Variants in XPNPEP2 observed in about 807,000 individuals in gnomAD.
XPNPEP2 encodes the protein X-prolyl aminopeptidase 2.
A neutral mutation model predicts 59.8 loss-of-function variants in XPNPEP2; 64 were observed. The observed-to-expected ratio is 1.07, with a 90% CI of 0.87 to 1.32. The LOEUF (loss-of-function observed/expected upper bound fraction) is 1.32. Among genes scored for constraint, XPNPEP2 ranks in the 40% most tolerant of loss-of-function variants. The pLI is 0.00. For missense variants in XPNPEP2, 575 were observed against 546.8 expected (o/e 1.05, Z -0.51); for synonymous variants, 235 against 210.0 (o/e 1.12, Z -1.03).
At chrX:129,739,445 G>C (rs956800915) in intron 1 of XPNPEP2, among the ~76,000 whole-genome samples, 183 bp downstream of exon 1, 8 of 111,555 alleles carry the variant, frequency 7.2e-5, no homozygotes, top group Non-Finnish European at 1.3e-4. Flanking sequence ...GTCTGGTTTG[G>C]CACCTTTCCA....
Position 129,761,175 on chromosome X carries a change from G to A in XPNPEP2, c.1502G>A (p.Arg501Gln), listed in dbSNP as rs763557610. Reference sequence around the variant, plus strand: ...GTCAATCTCTCTTCCCTTCCAGGGCGAATGGTGGAGGCCTTTGCCCGCAGA... The same window carrying A: ...GTCAATCTCTCTTCCCTTCCAGGGCAAATGGTGGAGGCCTTTGCCCGCAGA... ...RLIFPAATSG[R>Q]MVEAFARRAL... The change falls in exon 17 of 21, where the codon CGA becomes CAA. Residue 501 changes from arginine to glutamine, a missense_variant. Physicochemically the swap from Arg to Gln is conservative, Grantham distance 43. Transcript: ENST00000371106. 9 of 1,209,535 alleles carry A rather than the reference G, an allele frequency of 7.4e-6. No individual in the cohort carries two copies. In the African/African-American group the frequency reaches 1.0e-4, roughly 14 times the overall value.
chrX:129,742,234 C>T lies in XPNPEP2; in HGVS notation c.123+53C>T, dbSNP rs1266815870. On this transcript the variant is annotated intron_variant, in intron 2 of 20. Coordinates refer to ENST00000371106, the MANE Select transcript of XPNPEP2 (RefSeq NM_003399.6). ...GCCCCCCTGGCCCCACGCACCCCCC[C>T]ACCCCTGCCCCACGCACCCCTGCAC... 6 of 704,533 alleles carry T rather than the reference C, an allele frequency of 8.5e-6. No individual in the cohort carries two copies. In the South Asian group the frequency reaches 1.0e-4, roughly 12 times the overall value. 58.1% of individuals were successfully genotyped at this position (704,533 alleles called of 1,213,427 possible).
rs200704668 is a variant in XPNPEP2 at position 129,739,197 on chromosome X, C to A, written c.-17C>A. 2.5e-6 allele frequency: 3 copies of A among 1,205,551 alleles called. No individual in the cohort carries two copies. The highest frequency in any genetic ancestry group is 5.9e-5 in the East Asian group (2 of 33,718). ...CCTTGTCCCTCCATCCACCCAGCGC[C>A]GGCATCTGGAGACCCTATGGCCCGG... is the stretch of plus-strand genomic sequence containing the variant. On this transcript the variant is annotated 5_prime_UTR_variant, in exon 1 of 21. Coordinates refer to ENST00000371106, the MANE Select transcript of XPNPEP2 (RefSeq NM_003399.6).
intron 19 of XPNPEP2, among the ~76,000 whole-genome samples, chrX:129,763,671 T>TA (rs991856351): frequency 6.5e-5 from 7 of 107,842 alleles, no homozygotes; most frequent in African/African-American, 1.4e-4. Context: ...AAACCCAATC[T>TA]AAAAAAAAAG....
At position 129,761,892 on chromosome X, in the gene XPNPEP2, G is replaced by A; in HGVS notation, c.1604-114G>A. On this transcript the variant is annotated intron_variant, in intron 17 of 20. Transcript: ENST00000371106. ...AGGCAGACAATGATGTGATGGACCT[G>A]TGCTCATAGAGATGCTCTGGGATCC... The A allele has an allele frequency of 1.7e-5, 12 of 719,542 alleles. 1 individual carries two copies. The highest frequency in any genetic ancestry group is 2.0e-5 in the Non-Finnish European group (9 of 454,393). 59.3% of individuals were successfully genotyped at this position (719,542 alleles called of 1,213,427 possible).
chrX:129,747,794 C>T lies in XPNPEP2; in HGVS notation c.637+41C>T, dbSNP rs752662694. 35 of 1,208,879 alleles carry T rather than the reference C, an allele frequency of 2.9e-5. No homozygotes were observed. In the African/African-American group the frequency reaches 4.0e-4, roughly 14 times the overall value. Reference sequence around the variant, plus strand: ...CAGTTTCCTTCCCAACTTGTAGCAACGCAGGTCCCGGCTGCTATTCCGTAG... The same window carrying T: ...CAGTTTCCTTCCCAACTTGTAGCAATGCAGGTCCCGGCTGCTATTCCGTAG... On this transcript the variant is annotated intron_variant, in intron 7 of 20. Transcript: ENST00000371106.
chrX:129,746,473 G>T, intron 5 of XPNPEP2, 122 bp from the exon 6 acceptor site: 1 of 940,860 alleles, frequency 1.1e-6, no homozygotes, highest in Admixed American at 2.2e-5. Flanking sequence ...GGCCATCACT[G>T]ACTTTCAAGG....
chrX:129,761,088 A>C (rs1926647516), intron 16 of XPNPEP2, 84 bp from the exon 17 acceptor site: 4 of 955,656 alleles, frequency 4.2e-6, no homozygotes, highest in Non-Finnish European at 5.9e-6. Context: ...CTTAGGCACC[A>C]CTCTGATAGT....
At chrX:129,756,096 T>C (rs773386272) in intron 13 of XPNPEP2, among the ~76,000 whole-genome samples, 5 of 112,388 alleles carry the variant, frequency 4.4e-5, no homozygotes, top group Non-Finnish European at 9.4e-5. Context: ...GGAGGGAGCA[T>C]CTGGGTAGAG....
Position 129,754,555 on chromosome X carries a change from G to A in XPNPEP2, c.1191G>A (p.Gly397=). Residue 397 remains glycine (G), a synonymous_variant, in exon 12 of 21, where the codon GGG becomes GGA. Coordinates refer to ENST00000371106, the MANE Select transcript of XPNPEP2 (RefSeq NM_003399.6). ...VPKGTVDEFS[G]AEIVDKFRGE... is the part of the protein sequence containing the mutation. ...AAGGCACAGTGGATGAGTTCTCGGGGGCAGAGATCGTGGACAAGTTCCGAG... is the reference window on the plus strand; with the variant it reads ...AAGGCACAGTGGATGAGTTCTCGGGAGCAGAGATCGTGGACAAGTTCCGAG... The A allele has an allele frequency of 3.4e-6, 4 of 1,190,394 alleles. No individual in the cohort carries two copies. The highest frequency in any genetic ancestry group is 4.5e-6 in the Non-Finnish European group (4 of 885,034).
At chrX:129,757,893 G>GGAAAGAA (rs1926575876) in intron 14 of XPNPEP2, among the ~76,000 whole-genome samples, 1 of 51,782 alleles carries the variant, frequency 1.9e-5, no homozygotes, top group Non-Finnish European at 3.3e-5. Context: ...GAGAGAGAGA[G>GGAAAGAA]AGAAAGAAAG....
In XPNPEP2 at chrX:129,757,047, T is replaced by C. The variant is rs754542876; in HGVS notation, c.1367+492T>C. The stretch of plus-strand genomic sequence containing the variant: ...ATACACACACACACACATATATATA[T>C]ACACACACATATATATACACACACA... On this transcript the variant is annotated intron_variant, in intron 14 of 20. Transcript: ENST00000371106. Among the ~76,000 whole-genome samples the C allele has an allele frequency of 6.5e-5, 6 of 91,769 alleles. No homozygotes were observed. The East Asian group carries it at 2.8e-3, about 43-fold the overall frequency. 79.7% of individuals were successfully genotyped at this position (91,769 alleles called of 115,157 possible).
intron 14 of XPNPEP2, among the ~76,000 whole-genome samples, chrX:129,758,126 C>G (rs1338748973): frequency 9.0e-6 from 1 of 110,989 alleles, no homozygotes; most frequent in Admixed American, 9.5e-5. Flanking sequence ...GATGGAGGAG[C>G]AAGGAGTCCT....
chrX:129,762,829 C>A, intron 19 of XPNPEP2, 59 bp downstream of exon 19: 1 of 1,040,394 alleles, frequency 9.6e-7, no homozygotes, highest in Admixed American at 2.2e-5. Flanking sequence ...CTTTGGGCTG[C>A]ATGGGAGGAA....
At chrX:129,742,730 C>T (rs1483435366) in intron 2 of XPNPEP2, among the ~76,000 whole-genome samples, 2 of 110,457 alleles carry the variant, frequency 1.8e-5, no homozygotes, top group Non-Finnish European at 3.8e-5. Flanking sequence ...GGTGAAACCC[C>T]GTCTCTACTA....
At position 129,746,336 on chromosome X, in the gene XPNPEP2, G is replaced by C. The variant is rs386352381; in HGVS notation, c.399G>C (p.Lys133Asn). ...TGGACTGCAACTGGGAGCTCCATAA[G>C]GAAGGTAGAAGGGCCGCATGGATTT... ...RQMDCNWELH[K>N]EVGTTPIVTW... Residue 133 changes from lysine to asparagine, a missense_variant, in exon 5 of 21, where the codon AAG becomes AAC. Lys to Asn is a moderately conservative substitution (Grantham distance 94, BLOSUM62 0). Coordinates refer to ENST00000371106, the MANE Select transcript of XPNPEP2 (RefSeq NM_003399.6). 4.1e-6 allele frequency: 5 copies of C among 1,206,522 alleles called. No individual in the cohort carries two copies. The highest frequency in any genetic ancestry group is 1.7e-5 in the African/African-American group (1 of 57,276).
chrX:129,739,365 G>T, intron 1 of XPNPEP2, 103 bp downstream of exon 1: 1 of 868,962 alleles, frequency 1.2e-6, no homozygotes, highest in East Asian at 3.2e-5. Flanking sequence ...TTTTTCTGTT[G>T]CTTCCTCTCT....
chrX:129,762,794 G>A (rs1264758224), intron 19 of XPNPEP2, 24 bp downstream of exon 19: 1 of 1,185,276 alleles, frequency 8.4e-7, no homozygotes, highest in Non-Finnish European at 1.1e-6. Context: ...AGGATGGGCT[G>A]GAGGTGTGGG....
chrX:129,742,043 AC>A, intron 1 of XPNPEP2, 64 bp from the exon 2 acceptor site: 1 of 1,078,721 alleles, frequency 9.3e-7, no homozygotes, highest in Non-Finnish European at 1.3e-6. Flanking sequence ...CTGAGAGGAT[AC>A]TCCTTCCCTC....
Sources: allele counts gnomAD v4.1 joint callset (sites outside exome capture counted in the v4.1 genomes callset), GRCh38; gene constraint gnomAD v4.1.1; transcripts MANE v1.5; gene names NCBI Gene and HGNC (gene_info 2026-07-23, HGNC 2026-07-21).